ATP6V1A: variants seen among roughly 807,000 people sequenced by gnomAD.
ATP6V1A encodes V-type proton ATPase catalytic subunit A.
A neutral mutation model predicts 70.1 loss-of-function variants in ATP6V1A; 18 were observed. That is an observed-to-expected ratio of 0.26 (90% CI 0.18 to 0.38). ATP6V1A has a LOEUF of 0.38. Ranked by LOEUF, ATP6V1A falls within the 10% of genes least tolerant of loss-of-function variation. The pLI, the probability that ATP6V1A is intolerant of heterozygous loss-of-function variation, is 1.00. For synonymous variants in ATP6V1A, 232 were observed against 253.8 expected (o/e 0.91, Z 0.82); for missense variants, 424 against 772.4 (o/e 0.55, Z 5.35).
intron 1 of ATP6V1A, among the ~76,000 whole-genome samples, chr3:113,763,349 A>G (rs1425341839): frequency 6.6e-6 from 1 of 152,218 alleles, no homozygotes; most frequent in Non-Finnish European, 1.5e-5. Flanking sequence ...GGCCTCCCAA[A>G]GTGCTGGGAT....
chr3:113,785,589 G>A (rs979466127), intron 5 of ATP6V1A, among the ~76,000 whole-genome samples: 3 of 138,094 alleles, frequency 2.2e-5, no homozygotes, highest in Non-Finnish European at 3.0e-5. Context: ...GCTCACTGTA[G>A]CCTCAACCTG....
At chr3:113,781,472 C>T (rs1444512674) in intron 3 of ATP6V1A, among the ~76,000 whole-genome samples, 2 of 151,928 alleles carry the variant, frequency 1.3e-5, no homozygotes, top group African/African-American at 2.4e-5. Flanking sequence ...GAGCAGAGAT[C>T]GCACCACTGC....
At chr3:113,806,648 C>CG (rs1237639322) in intron 14 of ATP6V1A, among the ~76,000 whole-genome samples, 2 of 151,956 alleles carry the variant, frequency 1.3e-5, no homozygotes, top group Non-Finnish European at 2.9e-5. Flanking sequence ...TTAGTAGAGA[C>CG]GGGGTTTCAC....
chr3:113,786,472 G>A (rs888608764), intron 6 of ATP6V1A, 89 bp downstream of exon 6: 10 of 1,337,100 alleles, frequency 7.5e-6, no homozygotes, highest in African/African-American at 1.5e-5. Context: ...GGGCTTATGT[G>A]TTTAACACTA....
intron 1 of ATP6V1A, among the ~76,000 whole-genome samples, chr3:113,756,302 G>GAAAC (rs1201943635): frequency 6.6e-6 from 1 of 152,152 alleles, no homozygotes; most frequent in Non-Finnish European, 1.5e-5. Context: ...TTTTGCTTAA[G>GAAAC]AAACAGTGCT....
At chr3:113,761,087 ATTT>A (rs1708699457) in intron 1 of ATP6V1A, among the ~76,000 whole-genome samples, 2 of 126,948 alleles carry the variant, frequency 1.6e-5, no homozygotes, top group African/African-American at 3.0e-5. Flanking sequence ...AAATAGACAT[ATTT>A]TCTTTTCTTT....
intron 12 of ATP6V1A, among the ~76,000 whole-genome samples, chr3:113,799,846 A>G (rs899415049): frequency 2.0e-5 from 3 of 152,206 alleles, no homozygotes; most frequent in African/African-American, 7.2e-5. Context: ...TATTTCTTCT[A>G]TGAAAACCAC....
intron 11 of ATP6V1A, among the ~76,000 whole-genome samples, chr3:113,796,152 A>C (rs1376451799): frequency 6.6e-6 from 1 of 152,230 alleles, no homozygotes; most frequent in Non-Finnish European, 1.5e-5. Flanking sequence ...TTTATAATAA[A>C]CTTAATAATA....
chr3:113,762,372 A>C (rs960581068), intron 1 of ATP6V1A, among the ~76,000 whole-genome samples: 1 of 151,808 alleles, frequency 6.6e-6, no homozygotes, highest in Non-Finnish European at 1.5e-5. Context: ...AGTTCGAGAC[A>C]AGCCTGGCCA....
intron 11 of ATP6V1A, among the ~76,000 whole-genome samples, chr3:113,797,286 C>T (rs976260569): frequency 6.7e-6 from 1 of 150,280 alleles, no homozygotes; most frequent in Non-Finnish European, 1.5e-5. Flanking sequence ...GAATCTCACC[C>T]CCATCATGCA....
At chr3:113,786,906 G>T (rs1175403507) in intron 6 of ATP6V1A, among the ~76,000 whole-genome samples, 1 of 151,708 alleles carries the variant, frequency 6.6e-6, no homozygotes, top group African/African-American at 2.4e-5. Context: ...ACCCTCCTGA[G>T]TAGCTGGGAC....
intron 1 of ATP6V1A, among the ~76,000 whole-genome samples, chr3:113,765,687 T>C (rs1230665865): frequency 2.0e-5 from 3 of 148,124 alleles, no homozygotes; most frequent in Non-Finnish European, 4.5e-5. Flanking sequence ...GAGGCCGAGG[T>C]GGGCAGATCA....
At chr3:113,750,204 A>C (rs972747464) in intron 1 of ATP6V1A, among the ~76,000 whole-genome samples, 1 of 152,182 alleles carries the variant, frequency 6.6e-6, no homozygotes, top group Non-Finnish European at 1.5e-5. Flanking sequence ...AAAATATCTT[A>C]AAAACTAAGT....
At chr3:113,799,851 A>G (rs1274510348) in intron 12 of ATP6V1A, among the ~76,000 whole-genome samples, 1 of 152,184 alleles carries the variant, frequency 6.6e-6, no homozygotes, top group East Asian at 1.9e-4. Context: ...CTTCTATGAA[A>G]ACCACTTTTA....
intron 6 of ATP6V1A, among the ~76,000 whole-genome samples, chr3:113,787,997 T>C (rs1709055440): frequency 6.6e-6 from 1 of 152,250 alleles, no homozygotes; most frequent in African/African-American, 2.4e-5. Flanking sequence ...CATAGTTCAC[T>C]GTAACCTCAA....
intron 13 of ATP6V1A, among the ~76,000 whole-genome samples, chr3:113,804,766 G>A (rs1418903763): frequency 2.0e-5 from 3 of 152,214 alleles, no homozygotes; most frequent in Non-Finnish European, 4.4e-5. Flanking sequence ...TGTATGCAAA[G>A]GTGTTTAAAC....
At chr3:113,748,500 C>A (rs1270208462) in intron 1 of ATP6V1A, among the ~76,000 whole-genome samples, 1 of 152,132 alleles carries the variant, frequency 6.6e-6, no homozygotes, top group Non-Finnish European at 1.5e-5. Flanking sequence ...TTAAAGAAGA[C>A]TGCTGGAAAA....
intron 1 of ATP6V1A, among the ~76,000 whole-genome samples, chr3:113,766,118 CTA>C (rs1708767665): frequency 6.6e-6 from 1 of 152,112 alleles, no homozygotes; most frequent in Non-Finnish European, 1.5e-5. Context: ...TTGCCATAGA[CTA>C]TGTGACTTAA....
chr3:113,804,258 G>T (rs1709251207), intron 13 of ATP6V1A, among the ~76,000 whole-genome samples: 1 of 151,746 alleles, frequency 6.6e-6, no homozygotes, highest in Non-Finnish European at 1.5e-5. Context: ...CTCCCAAAGT[G>T]TTGGGACTCA....
Sources: gnomAD v4.1 joint callset for allele counts (sites outside exome capture counted in the v4.1 genomes callset) on GRCh38, gnomAD v4.1.1 for gene constraint, MANE v1.5 for transcripts, NCBI Gene and HGNC (gene_info 2026-07-23, HGNC 2026-07-21) for gene names.